ERBIN: variants seen among roughly 807,000 people sequenced by gnomAD.
ERBIN encodes the protein densin-180-like protein.
In ERBIN, 60 loss-of-function variants were observed where a neutral mutation model predicts 158.4. The observed-to-expected ratio is 0.38, with a 90% CI of 0.31 to 0.47. The LOEUF is 0.47. ERBIN is among the 20% of genes least tolerant of loss of function. ERBIN has a pLI of 0.99. For missense variants in ERBIN, 1,610 were observed against 1,648.0 expected (o/e 0.98, Z 0.40); for synonymous variants, 594 against 557.2 (o/e 1.07, Z -0.93).
At chr5:66,059,829 C>A (rs945902883) in intron 21 of ERBIN, among the ~76,000 whole-genome samples, 2 of 152,064 alleles carry the variant, frequency 1.3e-5, no homozygotes, top group South Asian at 2.1e-4. Flanking sequence ...TGTTTATATG[C>A]TGGATTACGT....
At chr5:66,059,149 T>C (rs988967625) in intron 21 of ERBIN, among the ~76,000 whole-genome samples, 47 of 152,208 alleles carry the variant, frequency 3.1e-4, no homozygotes, top group African/African-American at 1.1e-3. Flanking sequence ...TTTCATGATA[T>C]TGATTCTTCC....
At position 66,073,732 on chromosome 5, in the gene ERBIN, T is replaced by G. The variant is rs557615394; in HGVS notation, c.3757-1292T>G. Among the ~76,000 whole-genome samples, 332 of 152,302 alleles carry G rather than the reference T, an allele frequency of 2.2e-3. 1 individual carries two copies. Among genetic ancestry groups the G allele is most frequent in the African/African-American group, 7.6e-3 (315 of 41,558 alleles). ...TTTAGGGAACTGGACCTCAACTATT[T>G]CCCTCATAGTTTTCCCATAATTTCC... On this transcript the variant is annotated intron_variant, in intron 22 of 25. Transcript: ENST00000284037.
chr5:66,046,564 C>T (rs1216584543), intron 18 of ERBIN, 26 bp downstream of exon 18: 1 of 1,488,316 alleles, frequency 6.7e-7, no homozygotes, highest in Non-Finnish European at 9.0e-7. Flanking sequence ...TATTCTGGAG[C>T]AACTATAAGA....
At chr5:66,040,689 T>C (rs7731202) in intron 15 of ERBIN, among the ~76,000 whole-genome samples, 6,116 of 151,902 alleles carry the variant, frequency 0.04, 420 homozygotes, top group African/African-American at 0.14. Context: ...AAAAATATTA[T>C]GTGTTTGGGT....
chr5:66,032,864 A>C (rs1757028256), intron 14 of ERBIN, among the ~76,000 whole-genome samples: 1 of 152,234 alleles, frequency 6.6e-6, no homozygotes, highest in African/African-American at 2.4e-5. Context: ...AGCAAAGATG[A>C]GGGTCAAAGA....
chr5:66,005,935 A>G (rs147699477), intron 4 of ERBIN, among the ~76,000 whole-genome samples: 6,435 of 152,256 alleles, frequency 0.042, 465 homozygotes, highest in African/African-American at 0.15. Context: ...GCTCATGGGT[A>G]GGAAGAATCA....
chr5:65,980,527 A>G (rs1418319721), intron 1 of ERBIN, among the ~76,000 whole-genome samples: 1 of 152,346 alleles, frequency 6.6e-6, no homozygotes, highest in East Asian at 1.9e-4. Context: ...GCCCACCATT[A>G]AAACAGAAAT....
intron 1 of ERBIN, among the ~76,000 whole-genome samples, chr5:65,946,902 C>A (rs78797931): frequency 1.3e-5 from 2 of 150,722 alleles, no homozygotes; most frequent in Non-Finnish European, 2.9e-5. Context: ...ACATCTTTAA[C>A]TGTGCTATTC....
chr5:66,031,503 G>C (rs1343490610), intron 14 of ERBIN, among the ~76,000 whole-genome samples: 3 of 152,216 alleles, frequency 2.0e-5, no homozygotes, highest in African/African-American at 7.2e-5. Flanking sequence ...ATTTCTCAGA[G>C]GAGGAAATGC....
chr5:66,054,285 C>T lies in ERBIN; in HGVS notation c.2967C>T (p.Asp989=), dbSNP rs1167727873. The change falls in exon 21 of 26, where the codon GAC becomes GAT. Residue 989 remains aspartate (D), a synonymous_variant. Coordinates refer to ENST00000284037, the MANE Select transcript of ERBIN (RefSeq NM_001253697.2). ...IQYSSSAAVK[D]TLWHSKQNPQ... ...ACAGTAGCAGTGCTGCAGTCAAAGA[C>T]ACTTTGTGGCACTCCAAACAAAATC... 1.9e-6 allele frequency: 3 copies of T among 1,614,176 alleles called. No individual in the cohort carries two copies. The Admixed American group carries it at 5.0e-5, about 27-fold the overall frequency.
chr5:66,006,194 G>C (rs971736790), intron 4 of ERBIN, among the ~76,000 whole-genome samples: 1 of 152,126 alleles, frequency 6.6e-6, no homozygotes, highest in Non-Finnish European at 1.5e-5. Context: ...CCAAAACAGA[G>C]ATAAAGACCA....
chr5:65,987,381 C>CACACAT (rs1561335870), intron 1 of ERBIN, among the ~76,000 whole-genome samples: 2 of 151,220 alleles, frequency 1.3e-5, no homozygotes, highest in East Asian at 3.9e-4. Flanking sequence ...CACACACACA[C>CACACAT]ACACACACAC....
At chr5:65,931,747 G>A (rs1268269105) in intron 1 of ERBIN, among the ~76,000 whole-genome samples, 1 of 151,534 alleles carries the variant, frequency 6.6e-6, no homozygotes, top group Non-Finnish European at 1.5e-5. Flanking sequence ...TTTGGCTAAA[G>A]TATATGAAGA....
At chr5:65,956,900 G>C (rs1025113080) in intron 1 of ERBIN, among the ~76,000 whole-genome samples, 1 of 151,048 alleles carries the variant, frequency 6.6e-6, no homozygotes, top group Admixed American at 6.6e-5. Context: ...CCCAAAACGG[G>C]GATTTTGAAA....
chr5:66,067,198 G>A (rs1262126577), intron 21 of ERBIN, among the ~76,000 whole-genome samples: 1 of 152,118 alleles, frequency 6.6e-6, no homozygotes, highest in African/African-American at 2.4e-5. Flanking sequence ...TGGGCTATAA[G>A]TTTAGCTTTT....
chr5:66,051,484 A>G (rs772441871), intron 20 of ERBIN, among the ~76,000 whole-genome samples: 2 of 152,192 alleles, frequency 1.3e-5, no homozygotes, highest in South Asian at 2.1e-4. Flanking sequence ...TTGGTTGTCT[A>G]TAATGTTGGC....
intron 4 of ERBIN, among the ~76,000 whole-genome samples, chr5:66,011,090 T>C (rs373902611): frequency 1.3e-5 from 2 of 152,252 alleles, no homozygotes; most frequent in South Asian, 4.1e-4. Flanking sequence ...AATAGATCTC[T>C]TGAATATATC....
rs200490128 is a variant in ERBIN, at chr5:66,075,082, A to T, written c.3815A>T (p.Gln1272Leu). ...QPLRPQANYSQIHHPPQASVA... is the reference protein window; with the variant it reads ...QPLRPQANYSLIHHPPQASVA... ...CTCAGGCCTCAGGCAAATTATAGTC[A>T]AATACATCACCCCCCTCAGGCATCT... Residue 1272 changes from glutamine to leucine, a missense_variant, in exon 23 of 26, where the codon CAA becomes CTA. Physicochemically the swap from Gln to Leu is moderately radical, Grantham distance 113. Coordinates refer to ENST00000284037, the MANE Select transcript of ERBIN (RefSeq NM_001253697.2). The T allele has an allele frequency of 1.2e-4, 188 of 1,614,060 alleles. 1 individual carries two copies. Among genetic ancestry groups the T allele is most frequent in the Non-Finnish European group, 1.4e-4 (163 of 1,180,034 alleles).
chr5:66,048,873 T>C, intron 19 of ERBIN, 92 bp downstream of exon 19: 1 of 717,906 alleles, frequency 1.4e-6, no homozygotes. Context: ...ATTATGTTAT[T>C]TGATACATTT....
Sources: allele counts gnomAD v4.1 joint callset (sites outside exome capture counted in the v4.1 genomes callset), GRCh38; gene constraint gnomAD v4.1.1; transcripts MANE v1.5; gene names NCBI Gene and HGNC (gene_info 2026-07-23, HGNC 2026-07-21).